SHROOM1: variants seen among roughly 807,000 people sequenced by gnomAD.
SHROOM1 encodes the protein protein Shroom1.
A neutral mutation model predicts 64.2 loss-of-function variants in SHROOM1; 53 were observed. The ratio of observed to expected loss-of-function variants is 0.83; its 90% CI spans 0.66 to 1.04. SHROOM1 has a LOEUF of 1.04. Among genes scored for constraint, SHROOM1 ranks in the 50% least tolerant of loss-of-function variants. The pLI, the probability that SHROOM1 is intolerant of heterozygous loss-of-function variation, is 0.00. For missense variants in SHROOM1, 1,179 were observed against 1,163.2 expected (o/e 1.01, Z -0.20); for synonymous variants, 490 against 518.9 (o/e 0.94, Z 0.76).
chr5:132,826,381 G>A lies in SHROOM1; in HGVS notation c.-147C>T, dbSNP rs1758703727. 11 of 853,884 alleles carry A rather than the reference G, an allele frequency of 1.3e-5. No homozygotes were observed. The Admixed American group carries it at 3.0e-4, about 24-fold the overall frequency. 52.9% of individuals were successfully genotyped at this position (853,884 alleles called of 1,614,324 possible). A position where few individuals can be genotyped will look rare whatever the true frequency, so the allele number is the denominator to read the frequency against. On this transcript the variant is annotated 5_prime_UTR_variant, in exon 3 of 10. Coordinates refer to ENST00000378679, the MANE Select transcript of SHROOM1 (RefSeq NM_001172700.2). ...CAGAGGAAGTAGGACCAGTCCCAGG[G>A]AGCACCTCTGAAGGTTGAGGGCCCA...
chr5:132,825,705 G>T lies in SHROOM1; in HGVS notation c.436C>A (p.Gln146Lys). 1.5e-6 allele frequency: 2 copies of T among 1,325,982 alleles called. No homozygotes were observed. Among genetic ancestry groups the T allele is most frequent in the East Asian group, 3.1e-5 (1 of 32,140 alleles). 82.1% of individuals were successfully genotyped at this position (1,325,982 alleles called of 1,614,324 possible). A position where few individuals can be genotyped will look rare whatever the true frequency, so the allele number is the denominator to read the frequency against. ...CGGAGCACTCGCCGCTGCGCGCCCTGAAGCCGCTGGCGGTAGGCGGCCCTC... is the reference window on the plus strand; with the variant it reads ...CGGAGCACTCGCCGCTGCGCGCCCTTAAGCCGCTGGCGGTAGGCGGCCCTC... ...ASRAAYRQRL[Q>K]GAQRRVLRET... Residue 146 changes from glutamine (Q) to lysine (K), a missense_variant, in exon 4 of 10, where the codon CAG (glutamine) becomes AAG (lysine). By Grantham distance (53) the Gln-to-Lys change is moderately conservative. Coordinates refer to ENST00000378679, the MANE Select transcript of SHROOM1 (RefSeq NM_001172700.2). This position sits in a 1 kb window ranked among gnomAD's most constrained non-coding sequence, Gnocchi z 5.1.
chr5:132,824,414 T>C lies in SHROOM1; in HGVS notation c.1247A>G (p.His416Arg). 2.0e-6 allele frequency: 3 copies of C among 1,531,914 alleles called. No individual in the cohort carries two copies. Among genetic ancestry groups the C allele is most frequent in the Middle Eastern group, 1.8e-4 (1 of 5,670 alleles). 94.9% of individuals were successfully genotyped at this position (1,531,914 alleles called of 1,614,324 possible). A position where few individuals can be genotyped will look rare whatever the true frequency, so the allele number is the denominator to read the frequency against. ...AGTTCCATACGGCTGGTCAGAGGCA[T>C]GGACACTGGAAGCAGAAAAGACACT... ...HASQGPPASV[H>R]ASDQPYGTGL... The change falls in exon 7 of 10, where the codon CAT becomes CGT. Residue 416 changes from histidine (H) to arginine (R), a missense_variant. His to Arg is a conservative substitution (Grantham distance 29, BLOSUM62 0). Transcript: ENST00000378679.
chr5:132,830,533 G>T lies in SHROOM1; in HGVS notation c.-501+61C>A. ...ACCCCCGTCCGCCCGCAGCCCCGCC[G>T]GCCTCCCGGGGGAAGCGGACCCAGC... is the stretch of plus-strand genomic sequence containing the variant. On this transcript the variant is annotated intron_variant, in intron 1 of 9. Transcript: ENST00000378679. The surrounding 1 kb of genome is among the most constrained non-coding windows in gnomAD (Gnocchi z 5.9). 1.0e-6 allele frequency: 1 copy of T among 982,418 alleles called. No individual in the cohort carries two copies. The allele number at this position is 982,418 out of a possible 1,614,324, so 60.9% of individuals were successfully genotyped here.
chr5:132,823,876 C>G lies in SHROOM1; in HGVS notation c.1785G>C (p.Glu595Asp). The G allele has an allele frequency of 2.0e-6, 3 of 1,531,422 alleles. No homozygotes were observed. Among genetic ancestry groups the G allele is most frequent in the Non-Finnish European group, 2.6e-6 (3 of 1,140,430 alleles). 94.9% of individuals were successfully genotyped at this position (1,531,422 alleles called of 1,614,324 possible). The change falls in exon 7 of 10, where the codon GAG becomes GAC. Residue 595 changes from glutamate (E) to aspartate (D), a missense_variant. Transcript: ENST00000378679. This position sits in a 1 kb window ranked among gnomAD's most constrained non-coding sequence, Gnocchi z 4.6. ...AMRPACGEAG[E>D]EAASTFEPGS... ...CTGGCTCAAAAGTACTGGCAGCCTCCTCTCCAGCCTCCCCACAGGCAGGCC... is the reference window on the plus strand; with the variant it reads ...CTGGCTCAAAAGTACTGGCAGCCTCGTCTCCAGCCTCCCCACAGGCAGGCC...
rs1758616234 is a variant in SHROOM1, at chr5:132,825,070, C to A, written c.982G>T (p.Val328Phe). The part of the protein sequence containing the change: ...SGGTIPIVQA[V>F]PQGAETPRPL... Reference sequence around the variant, plus strand: ...CTGGGGGTTTCTGCTCCTTGGGGAACAGCCTGGAAGGGTGAACAGTCGACT... The same window carrying A: ...CTGGGGGTTTCTGCTCCTTGGGGAAAAGCCTGGAAGGGTGAACAGTCGACT... Residue 328 changes from valine (V) to phenylalanine (F), a missense_variant, in exon 5 of 10, where the codon GTT becomes TTT. Transcript: ENST00000378679. The surrounding 1 kb of genome is among the most constrained non-coding windows in gnomAD (Gnocchi z 5.1). 6.2e-7 allele frequency: 1 copy of A among 1,613,978 alleles called. No individual in the cohort carries two copies. The highest frequency in any genetic ancestry group is 8.5e-7 in the Non-Finnish European group (1 of 1,180,020).
rs766051194 is a variant in SHROOM1 at position 132,822,830 on chromosome 5, G to C, written c.2525C>G (p.Pro842Arg). 3 of 1,611,972 alleles carry C rather than the reference G, an allele frequency of 1.9e-6. No homozygotes were observed. Among genetic ancestry groups the C allele is most frequent in the African/African-American group, 1.3e-5 (1 of 75,050 alleles). ...SPARPPGTCP[P>R]VQPPFPLLLT The stretch of plus-strand genomic sequence containing the variant: ...GAGAAGAGGGAAGGGCGGCTGAACT[G>C]GAGGACAGGTCCCTGGGGGCCGCGC... Residue 842 changes from proline to arginine, a missense_variant, in exon 10 of 10, where the codon CCA becomes CGA. By Grantham distance (103) the Pro-to-Arg change is moderately radical (BLOSUM62 -2). Transcript: ENST00000378679.
chr5:132,828,411 G>A (rs1304939262), intron 1 of SHROOM1, among the ~76,000 whole-genome samples: 1 of 152,126 alleles, frequency 6.6e-6, no homozygotes. Context: ...CTTTTGCAAA[G>A]TATTTCCACT....
Position 132,824,356 on chromosome 5 carries a change from G to T in SHROOM1, c.1305C>A (p.Val435=), listed in dbSNP as rs137872302. Residue 435 remains valine, a synonymous_variant, in exon 7 of 10, where the codon GTC becomes GTA. Transcript: ENST00000378679. ...ACTCATGGAGCGGGTACTCTGTGGG[G>T]ACTGTAACCTGGCCAGTTCTTTGGC... ...GLGQRTGQVT[V]PTEYPLHECP... is the part of the protein sequence containing the mutation. The T allele has an allele frequency of 4.7e-4, 751 of 1,600,912 alleles. 1 individual carries two copies. The Middle Eastern group carries it at 5.0e-3, about 11-fold the overall frequency.
rs773126072 is a variant in SHROOM1, at chr5:132,824,003, T to A, written c.1658A>T (p.Asp553Val). The change falls in exon 7 of 10, where the codon GAT (aspartate) becomes GTT (valine). Residue 553 changes from aspartate (D) to valine (V), a missense_variant. Asp to Val is a radical substitution (Grantham distance 152). Coordinates refer to ENST00000378679, the MANE Select transcript of SHROOM1 (RefSeq NM_001172700.2). ...AGCAAGAGGGTCACATAGAGAGGGA[T>A]CTAATCTGGCCAGCTCCTGAACCAG... ...EELVQELARL[D>V]PSLCDPLASQ... 22 of 1,606,596 alleles carry A rather than the reference T, an allele frequency of 1.4e-5. No homozygotes were observed. Among genetic ancestry groups the A allele is most frequent in the Non-Finnish European group, 1.7e-5 (20 of 1,176,278 alleles).
At position 132,826,056 on chromosome 5, in the gene SHROOM1, C is replaced by T. The variant is rs773396657; in HGVS notation, c.85G>A (p.Ala29Thr). The change falls in exon 4 of 10, where the codon GCG (alanine) becomes ACG (threonine). Residue 29 changes from alanine to threonine, a missense_variant. Transcript: ENST00000378679. ...GAGAAAGAGCTGTAGGCCGAGTCCG[C>T]GCGCATGGACAGATGCCACAGGTCC... ...SLDLWHLSMR[A>T]DSAYSSFSAA... 3 of 1,468,018 alleles carry T rather than the reference C, an allele frequency of 2.0e-6. No individual in the cohort carries two copies. The highest frequency in any genetic ancestry group is 1.4e-5 in the South Asian group (1 of 71,102). 90.9% of individuals were successfully genotyped at this position (1,468,018 alleles called of 1,614,324 possible).
rs34378204 is a variant in SHROOM1 at position 132,822,351 on chromosome 5, CTTTTTTTTTTTTTTTTT to C, written c.*428_*444del. On this transcript the variant is annotated 3_prime_UTR_variant, in exon 10 of 10. Transcript: ENST00000378679. ...ACATGAGAACACTTTGGAGAAGTAT[CTTTTTTTTTTTTTTTTT>C]TTTTTTTTTTTTTGAGACGGAGTCT... 6.8e-5 allele frequency: 4 copies of C among 58,642 alleles called. 1 individual carries two copies. The highest frequency in any genetic ancestry group is 5.5e-4 in the East Asian group (1 of 1,816). The allele number at this position is 58,642 out of a possible 1,614,324, so 3.6% of individuals were successfully genotyped here. A position where few individuals can be genotyped will look rare whatever the true frequency, so the allele number is the denominator to read the frequency against.
chr5:132,825,010 T>C lies in SHROOM1; in HGVS notation c.1034+8A>G. The C allele has an allele frequency of 6.2e-7, 1 of 1,614,018 alleles. No homozygotes were observed. The highest frequency in any genetic ancestry group is 8.5e-7 in the Non-Finnish European group (1 of 1,179,990). ...CCAACTTGGTCCAGAGTGGTCCGTG[T>C]CTCTCACCTGGAAAGTTTGGTCTGA... On this transcript the variant is annotated splice_region_variant and intron_variant, in intron 5 of 9. Transcript: ENST00000378679. The surrounding 1 kb of genome is among the most constrained non-coding windows in gnomAD (Gnocchi z 5.1).
intron 1 of SHROOM1, chr5:132,829,848 G>A: frequency 1.0e-6 from 1 of 985,466 alleles, no homozygotes; most frequent in Non-Finnish European, 1.2e-6. Flanking sequence ...GCCTGTCCGC[G>A]CTGACAGCGC....
chr5:132,826,203 T>TGCCGGGTGAGGAGC, intron 3 of SHROOM1, 21 bp from the exon 4 acceptor site: 7 of 1,274,200 alleles, frequency 5.5e-6, no homozygotes, highest in African/African-American at 3.1e-5. Flanking sequence ...ACAGATGTGG[T>TGCCGGGTGAGGAGC]GCCGGGTGAG....
In SHROOM1 at chr5:132,823,745, T is replaced by C; in HGVS notation, c.1831A>G (p.Thr611Ala). Reference protein sequence around the residue: ...FEPGSYQFSFTQLLPAPREET... With the variant: ...FEPGSYQFSFAQLLPAPREET... ...TCCCGAGGAGCCGGCAGGAGCTGGG[T>C]GAAGCTGAACTGATAGGACCTGGGA... The change falls in exon 8 of 10, where the codon ACC (threonine) becomes GCC (alanine). Residue 611 changes from threonine to alanine, a missense_variant. Thr to Ala is a moderately conservative substitution (Grantham distance 58). Coordinates refer to ENST00000378679, the MANE Select transcript of SHROOM1 (RefSeq NM_001172700.2). This position sits in a 1 kb window ranked among gnomAD's most constrained non-coding sequence, Gnocchi z 4.6. The C allele has an allele frequency of 6.3e-7, 1 of 1,599,200 alleles. No individual in the cohort carries two copies. The highest frequency in any genetic ancestry group is 1.7e-4 in the Middle Eastern group (1 of 5,974).
rs1758682360 is a variant in SHROOM1, at chr5:132,825,982, G to A, written c.159C>T (p.Asp53=). The part of the protein sequence containing the change: ...PEPRTQSPGT[D]LLPYLDWDYV... ...AGTCCCAGTCTAGGTAAGGAAGGAGGTCTGTCCCCGGCGACTGCGTGCGCG... is the reference window on the plus strand; with the variant it reads ...AGTCCCAGTCTAGGTAAGGAAGGAGATCTGTCCCCGGCGACTGCGTGCGCG... Residue 53 remains aspartate (D), a synonymous_variant, in exon 4 of 10, where the codon GAC becomes GAT. Transcript: ENST00000378679. The surrounding 1 kb of genome is among the most constrained non-coding windows in gnomAD (Gnocchi z 5.1). 5 of 1,519,824 alleles carry A rather than the reference G, an allele frequency of 3.3e-6. No individual in the cohort carries two copies. The East Asian group carries it at 1.3e-4, about 40-fold the overall frequency. 94.1% of individuals were successfully genotyped at this position (1,519,824 alleles called of 1,614,324 possible).
rs749059285 is a variant in SHROOM1, at chr5:132,822,814, G to A, written c.2541C>T (p.Phe847=). 3 of 1,608,240 alleles carry A rather than the reference G, an allele frequency of 1.9e-6. No individual in the cohort carries two copies. The highest frequency in any genetic ancestry group is 2.5e-6 in the Non-Finnish European group (3 of 1,177,650). ...CCTATAACTATGTAAGGAGAAGAGG[G>A]AAGGGCGGCTGAACTGGAGGACAGG... ...PGTCPPVQPP[F]PLLLT is the part of the protein sequence containing the mutation. The change falls in exon 10 of 10, where the codon TTC becomes TTT. Residue 847 remains phenylalanine, a synonymous_variant. Transcript: ENST00000378679.
chr5:132,830,156 G>T lies in SHROOM1; in HGVS notation c.-501+438C>A. 1.0e-6 allele frequency: 1 copy of T among 985,338 alleles called. No homozygotes were observed. Among genetic ancestry groups the T allele is most frequent in the Non-Finnish European group, 1.2e-6 (1 of 829,886 alleles). 61.0% of individuals were successfully genotyped at this position (985,338 alleles called of 1,614,324 possible). On this transcript the variant is annotated intron_variant, in intron 1 of 9. Transcript: ENST00000378679. The surrounding 1 kb of genome is among the most constrained non-coding windows in gnomAD (Gnocchi z 5.9). ...ATGGCCGCAGCCCCGCGCAGTTCTG[G>T]GCCTTTCCCGTTGGGTTCACCGTCG...
rs1758507882 is a variant in SHROOM1 at position 132,823,124 on chromosome 5, G to A, written c.2231C>T (p.Ser744Phe). The A allele has an allele frequency of 6.4e-7, 1 of 1,564,404 alleles. No homozygotes were observed. ...CAGGAGCCGGAGTCGCTGCAGCAGG[G>A]AGGCCTTGAGCCGCAGGAAGAGGCG... ...ASDSDPDEQA[S>F]LLQRLRLLQR... The change falls in exon 10 of 10, where the codon TCC becomes TTC. Residue 744 changes from serine (S) to phenylalanine (F), a missense_variant. Coordinates refer to ENST00000378679, the MANE Select transcript of SHROOM1 (RefSeq NM_001172700.2). This position sits in a 1 kb window ranked among gnomAD's most constrained non-coding sequence, Gnocchi z 4.6.
Sources: allele counts gnomAD v4.1 joint callset (sites outside exome capture counted in the v4.1 genomes callset), GRCh38; gene constraint gnomAD v4.1.1; non-coding constraint Gnocchi (gnomAD v3.1); transcripts MANE v1.5; gene names NCBI Gene and HGNC (gene_info 2026-07-23, HGNC 2026-07-21).